Variants in IPO7 observed in about 807,000 individuals in gnomAD.
IPO7 encodes importin-7.
In IPO7, 13 loss-of-function variants were observed where a neutral mutation model predicts 136.4. That is an observed-to-expected ratio of 0.10 (90% CI 0.06 to 0.15). IPO7 has a LOEUF of 0.15. Among genes scored for constraint, IPO7 ranks in the 10% least tolerant of loss-of-function variants. The pLI, the probability that IPO7 is intolerant of heterozygous loss-of-function variation, is 1.00. For missense variants in IPO7, 857 were observed against 1,240.6 expected (o/e 0.69, Z 4.65); for synonymous variants, 403 against 404.4 (o/e 1.00, Z 0.04).
intron 3 of IPO7, 59 bp from the exon 4 acceptor site, chr11:9,409,869 G>T (rs2133737903): frequency 3.0e-6 from 4 of 1,328,952 alleles, no homozygotes; most frequent in South Asian, 3.5e-5. Context: ...CCTTTCTATG[G>T]GTTAGCAAAA....
At chr11:9,423,659 G>A (rs1855164751) in intron 9 of IPO7, 118 bp from the exon 10 acceptor site, 3 of 615,846 alleles carry the variant, frequency 4.9e-6, no homozygotes, top group African/African-American at 1.9e-5. Flanking sequence ...CATTACTAAC[G>A]TTTGATATTA....
intron 1 of IPO7, among the ~76,000 whole-genome samples, chr11:9,388,015 C>T (rs1320781787): frequency 6.7e-6 from 1 of 148,896 alleles, no homozygotes; most frequent in Non-Finnish European, 1.5e-5. Flanking sequence ...GGCGTGGTGG[C>T]GCATGCCTGT....
In IPO7 at chr11:9,430,335, T is replaced by C. The variant is rs979407300; in HGVS notation, c.1752+501T>C. The C allele has an allele frequency of 1.9e-5, 3 of 154,986 alleles. No homozygotes were observed. In the South Asian group the frequency reaches 6.0e-4, roughly 31 times the overall value. 9.6% of individuals were successfully genotyped at this position (154,986 alleles called of 1,614,324 possible). A position where few individuals can be genotyped will look rare whatever the true frequency, so the allele number is the denominator to read the frequency against. The stretch of plus-strand genomic sequence containing the variant: ...TTATTCCTGTTTTACGGAGAAAATA[T>C]GAGGTATAAAATGGTTTATTGCCTA... On this transcript the variant is annotated intron_variant, in intron 15 of 24. Coordinates refer to ENST00000379719, the MANE Select transcript of IPO7 (RefSeq NM_006391.3).
rs1319486708 is a variant in IPO7 at position 9,429,664 on chromosome 11, T to C, written c.1592-10T>C. 2.5e-6 allele frequency: 4 copies of C among 1,595,740 alleles called. No homozygotes were observed. Among genetic ancestry groups the C allele is most frequent in the Non-Finnish European group, 1.7e-6 (2 of 1,175,536 alleles). The stretch of plus-strand genomic sequence containing the variant: ...GGTTTTACGCAAGTTTTTTACTCTT[T>C]CTCTTACAGCTAAAGAATATATCAC... On this transcript the variant is annotated splice_polypyrimidine_tract_variant and intron_variant, in intron 14 of 24. Transcript: ENST00000379719.
Position 9,429,050 on chromosome 11 carries a change from A to G in IPO7, c.1445A>G (p.Tyr482Cys), listed in dbSNP as rs1234091651. ...CAAAAGGCTTGCTGGGTACTTCACTATTTTTGTGAAGTGAAGTTCAAAAGT... is the reference window on the plus strand; with the variant it reads ...CAAAAGGCTTGCTGGGTACTTCACTGTTTTTGTGAAGTGAAGTTCAAAAGT... ...MRARACWVLH[Y>C]FCEVKFKSDQ... Residue 482 changes from tyrosine to cysteine, a missense_variant, in exon 14 of 25, where the codon TAT becomes TGT. By Grantham distance (194) the Tyr-to-Cys change is radical. Coordinates refer to ENST00000379719, the MANE Select transcript of IPO7 (RefSeq NM_006391.3). 12 of 1,613,644 alleles carry G rather than the reference A, an allele frequency of 7.4e-6. No homozygotes were observed. The highest frequency in any genetic ancestry group is 2.2e-5 in the East Asian group (1 of 44,880).
chr11:9,428,719 T>C lies in IPO7; in HGVS notation c.1425+90T>C, dbSNP rs754824672. The C allele has an allele frequency of 3.6e-6, 3 of 822,680 alleles. No homozygotes were observed. In the African/African-American group the frequency reaches 5.0e-5, roughly 14 times the overall value. 51.0% of individuals were successfully genotyped at this position (822,680 alleles called of 1,614,324 possible). On this transcript the variant is annotated intron_variant, in intron 13 of 24. Transcript: ENST00000379719. ...ATATTGAAACTTTTAAATGTTCACTTTGAAGCCTGTGTCTTATTTTAGGTT... is the reference window on the plus strand; with the variant it reads ...ATATTGAAACTTTTAAATGTTCACTCTGAAGCCTGTGTCTTATTTTAGGTT...
rs768203577 is a variant in IPO7, at chr11:9,447,284, A to G, written c.*2090A>G. 3 of 152,210 alleles carry G rather than the reference A, an allele frequency of 2.0e-5. No homozygotes were observed. Among genetic ancestry groups the G allele is most frequent in the Non-Finnish European group, 4.4e-5 (3 of 68,022 alleles). The allele number at this position is 152,210 out of a possible 1,614,324, so 9.4% of individuals were successfully genotyped here. ...TCTCATTTGCTGAGGTTTTGTTTCA[A>G]GAAAATGTATTGGCATGTCTTTGAG... On this transcript the variant is annotated 3_prime_UTR_variant, in exon 25 of 25. Transcript: ENST00000379719.
intron 4 of IPO7, among the ~76,000 whole-genome samples, chr11:9,412,675 G>C (rs1854983164): frequency 6.6e-6 from 1 of 151,952 alleles, no homozygotes; most frequent in Admixed American, 6.6e-5. Flanking sequence ...AGACAAAAAA[G>C]AAAGTAATCA....
intron 8 of IPO7, 25 bp downstream of exon 8, chr11:9,420,723 A>G (rs1432694285): frequency 1.4e-6 from 2 of 1,458,214 alleles, no homozygotes; most frequent in Admixed American, 3.4e-5. Flanking sequence ...AGTTTTTCTC[A>G]GTGGAAACAT....
In IPO7 at chr11:9,438,070, T is replaced by G. The variant is rs777757969; in HGVS notation, c.2490-10T>G. ...GTTTTTTTTTTTTTTTTTTTTTTTTTTTTTTTTAGGCTTCATGACAGAAAG... is the reference window on the plus strand; with the variant it reads ...GTTTTTTTTTTTTTTTTTTTTTTTTGTTTTTTTAGGCTTCATGACAGAAAG... On this transcript the variant is annotated splice_polypyrimidine_tract_variant and intron_variant, in intron 21 of 24. Coordinates refer to ENST00000379719, the MANE Select transcript of IPO7 (RefSeq NM_006391.3). The G allele has an allele frequency of 2.6e-5, 34 of 1,300,402 alleles. No individual in the cohort carries two copies. Among genetic ancestry groups the G allele is most frequent in the Non-Finnish European group, 3.4e-5 (33 of 957,318 alleles). The allele number at this position is 1,300,402 out of a possible 1,614,324, so 80.6% of individuals were successfully genotyped here.
chr11:9,417,432 A>G (rs1338504658), intron 6 of IPO7, among the ~76,000 whole-genome samples: 2 of 152,094 alleles, frequency 1.3e-5, no homozygotes, highest in African/African-American at 2.4e-5. Context: ...CTCTCAGTTC[A>G]TAAATTAAGA....
intron 1 of IPO7, among the ~76,000 whole-genome samples, chr11:9,401,023 AT>A (rs1389084751): frequency 6.6e-6 from 1 of 152,042 alleles, no homozygotes; most frequent in Non-Finnish European, 1.5e-5. Flanking sequence ...TCTACTAAAA[AT>A]ACAAAAATTA....
At chr11:9,426,765 T>G (rs1855215014) in intron 12 of IPO7, among the ~76,000 whole-genome samples, 1 of 152,164 alleles carries the variant, frequency 6.6e-6, no homozygotes, top group Admixed American at 6.6e-5. Context: ...TTTTTTTTCT[T>G]TTTATTTTTT....
intron 2 of IPO7, among the ~76,000 whole-genome samples, 190 bp from the exon 3 acceptor site, chr11:9,408,296 C>G (rs1198839170): frequency 6.6e-6 from 1 of 152,034 alleles, no homozygotes; most frequent in Non-Finnish European, 1.5e-5. Context: ...TAACTTTGTG[C>G]TTGATTGCTG....
rs1379468242 is a variant in IPO7, at chr11:9,433,865, G to A, written c.2074+19G>A. ...TTTACAGGTGAGTCAAAGCAGCATG[G>A]AAATACTGAGGGTTTTCCCTGCTTT... On this transcript the variant is annotated intron_variant, in intron 18 of 24. Coordinates refer to ENST00000379719, the MANE Select transcript of IPO7 (RefSeq NM_006391.3). The A allele has an allele frequency of 1.2e-6, 2 of 1,601,828 alleles. No individual in the cohort carries two copies. Among genetic ancestry groups the A allele is most frequent in the Non-Finnish European group, 1.7e-6 (2 of 1,176,262 alleles).
At chr11:9,391,788 C>T (rs1203417470) in intron 1 of IPO7, among the ~76,000 whole-genome samples, 1 of 152,088 alleles carries the variant, frequency 6.6e-6, no homozygotes, top group Non-Finnish European at 1.5e-5. Flanking sequence ...TTTTTTGAGA[C>T]AGGGTTTCAC....
intron 22 of IPO7, among the ~76,000 whole-genome samples, chr11:9,438,500 T>G (rs185463955): frequency 3.3e-4 from 50 of 151,936 alleles, no homozygotes; most frequent in Non-Finnish European, 6.2e-4. Context: ...TGGTGGGCAC[T>G]TGTAGTCCCA....
intron 2 of IPO7, among the ~76,000 whole-genome samples, chr11:9,406,716 CA>C (rs549848657): frequency 1.3e-5 from 2 of 151,770 alleles, no homozygotes; most frequent in African/African-American, 2.4e-5. Context: ...ACTAAAAATA[CA>C]AAAAAATTAG....
At chr11:9,429,907 A>G in intron 15 of IPO7, 73 bp downstream of exon 15, 1 of 1,153,656 alleles carries the variant, frequency 8.7e-7, no homozygotes, top group Admixed American at 2.7e-5. Context: ...TTGTGTCACC[A>G]GTGGCTTGCC....
Sources: allele counts gnomAD v4.1 joint callset (sites outside exome capture counted in the v4.1 genomes callset), GRCh38; gene constraint gnomAD v4.1.1; transcripts MANE v1.5; gene names NCBI Gene and HGNC (gene_info 2026-07-23, HGNC 2026-07-21).